The following EIPR1 variants were observed in gnomAD, a reference collection of about 807,000 sequenced individuals.
EIPR1 encodes EARP complex and GARP complex interacting protein 1, also known as EARP and GARP complex-interacting protein 1.
In EIPR1, 25 loss-of-function variants were observed where a neutral mutation model predicts 48.1. That is an observed-to-expected ratio of 0.52 (90% CI 0.38 to 0.73). EIPR1 has a LOEUF of 0.73. Among genes scored for constraint, EIPR1 ranks in the 30% least tolerant of loss-of-function variants. The probability of loss-of-function intolerance (pLI) is 0.00; values close to 1 mark genes in which losing one functional copy is unlikely to be tolerated. For missense variants in EIPR1, 415 were observed against 506.2 expected, an observed-to-expected ratio of 0.82 and a Z score of 1.73; for synonymous variants, 204 against 201.9, an observed-to-expected ratio of 1.01 and a Z score of -0.09.
At chr2:3,268,457 C>T (rs1248631681) in intron 3 of EIPR1, among the ~76,000 whole-genome samples, 1 of 152,230 alleles carries the variant, frequency 6.6e-6, no homozygotes, top group Non-Finnish European at 1.5e-5. Flanking sequence ...CCGAGGTCTG[C>T]GTCCCTCCAA....
intron 3 of EIPR1, among the ~76,000 whole-genome samples, chr2:3,297,126 C>T (rs985828032): frequency 1.3e-5 from 2 of 152,196 alleles, no homozygotes; most frequent in African/African-American, 4.8e-5. Context: ...GTGGCTCCAG[C>T]ATTTGGGACA....
chr2:3,232,781 CT>C (rs1181280763), intron 4 of EIPR1, among the ~76,000 whole-genome samples: 1 of 152,202 alleles, frequency 6.6e-6, no homozygotes, highest in Non-Finnish European at 1.5e-5. Context: ...GGATGGTTAT[CT>C]ACTCCGTCTC....
intron 4 of EIPR1, among the ~76,000 whole-genome samples, chr2:3,226,616 G>A (rs1191837586): frequency 6.6e-6 from 1 of 152,124 alleles, no homozygotes; most frequent in Non-Finnish European, 1.5e-5. Flanking sequence ...TAAATCTGAT[G>A]CACTCTCATT....
At chr2:3,291,428 C>A (rs1021546475) in intron 3 of EIPR1, among the ~76,000 whole-genome samples, 2 of 152,184 alleles carry the variant, frequency 1.3e-5, no homozygotes, top group African/African-American at 4.8e-5. Context: ...GGGTGCTGAA[C>A]ACTTAGAACT....
rs555046488 is a variant in EIPR1 at position 3,230,906 on chromosome 2, G to A, written c.417-16658C>T. Among the ~76,000 whole-genome samples, 105 of 152,162 alleles carry A rather than the reference G, an allele frequency of 6.9e-4. 1 individual carries two copies. The highest frequency in any genetic ancestry group is 3.4e-3 in the Middle Eastern group (1 of 294). ...ATAAATGCCATCAGAACTTTGATGGGGATTGCATTGAATCTGTAGATGATT... is the reference window on the plus strand; with the variant it reads ...ATAAATGCCATCAGAACTTTGATGGAGATTGCATTGAATCTGTAGATGATT... On this transcript the variant is annotated intron_variant, in intron 4 of 8. Transcript: ENST00000382125.
intron 4 of EIPR1, among the ~76,000 whole-genome samples, chr2:3,233,239 G>A (rs994158995): frequency 1.4e-4 from 22 of 151,852 alleles, no homozygotes; most frequent in African/African-American, 5.1e-4. Flanking sequence ...TATATCCTGG[G>A]TAACTTTCCA....
intron 4 of EIPR1, among the ~76,000 whole-genome samples, chr2:3,247,040 AGAGGGAGG>A (rs1340854784): frequency 4.5e-3 from 21 of 4,704 alleles, no homozygotes; most frequent in South Asian, 0.017. Context: ...AGGGAGGGAG[AGAGGGAGG>A]GAGAGAGGGA....
In EIPR1 at chr2:3,343,155, C is replaced by T. The variant is rs141987983; in HGVS notation, c.127-5006G>A. ...TACAGGAGCCCCTGGTCCTGGCATG[C>T]GAGCTCTGCCGCCCCGCCACCTGCC... On this transcript the variant is annotated intron_variant, in intron 2 of 8. Transcript: ENST00000382125. Among the ~76,000 whole-genome samples, 1,096 of 152,294 alleles carry T rather than the reference C, an allele frequency of 7.2e-3. 14 individuals carry two copies. The highest frequency in any genetic ancestry group is 0.025 in the African/African-American group (1,024 of 41,538).
chr2:3,351,965 A>T (rs1233010258), intron 2 of EIPR1, among the ~76,000 whole-genome samples: 1 of 152,234 alleles, frequency 6.6e-6, no homozygotes, highest in Non-Finnish European at 1.5e-5. Context: ...AACGTGAGTC[A>T]TCCCTTTGAT....
intron 5 of EIPR1, among the ~76,000 whole-genome samples, chr2:3,199,216 C>T (rs543750811): frequency 4.6e-5 from 7 of 152,238 alleles, no homozygotes; most frequent in South Asian, 2.1e-4. Flanking sequence ...CCAGACTTTA[C>T]GATTGTCCCT....
intron 3 of EIPR1, among the ~76,000 whole-genome samples, chr2:3,270,086 G>A (rs1443450974): frequency 2.0e-5 from 3 of 152,238 alleles, no homozygotes. Context: ...GTCCAGATGG[G>A]CAGATGGGCA....
At chr2:3,291,292 G>A (rs1017784820) in intron 3 of EIPR1, among the ~76,000 whole-genome samples, 20 of 152,132 alleles carry the variant, frequency 1.3e-4, no homozygotes, top group African/African-American at 4.8e-4. Context: ...AAGAGTACAT[G>A]GTTCTGCCGT....
intron 3 of EIPR1, among the ~76,000 whole-genome samples, chr2:3,302,340 A>G (rs1572415922): frequency 6.6e-6 from 1 of 152,028 alleles, no homozygotes; most frequent in Non-Finnish European, 1.5e-5. Context: ...AAAAAATTTA[A>G]ATGTTAACAA....
At chr2:3,318,636 C>T (rs1467647034) in intron 3 of EIPR1, among the ~76,000 whole-genome samples, 1 of 152,194 alleles carries the variant, frequency 6.6e-6, no homozygotes, top group African/African-American at 2.4e-5. Context: ...CACAGGTGCT[C>T]CCTACTGTCT....
At chr2:3,278,005 C>A (rs1667908859) in intron 3 of EIPR1, among the ~76,000 whole-genome samples, 1 of 152,212 alleles carries the variant, frequency 6.6e-6, no homozygotes, top group Non-Finnish European at 1.5e-5. Context: ...GGCCCCAGCC[C>A]ACCCTGTGCT....
intron 4 of EIPR1, among the ~76,000 whole-genome samples, chr2:3,243,043 C>T (rs181012420): frequency 5.3e-5 from 8 of 152,282 alleles, no homozygotes; most frequent in South Asian, 4.1e-4. Flanking sequence ...TTCCTGGGAA[C>T]GCTTTCTGAC....
At chr2:3,227,660 G>A (rs952274792) in intron 4 of EIPR1, among the ~76,000 whole-genome samples, 3 of 152,196 alleles carry the variant, frequency 2.0e-5, no homozygotes, top group African/African-American at 4.8e-5. Context: ...AGACCTTCAT[G>A]GAAGCTGCTC....
intron 4 of EIPR1, among the ~76,000 whole-genome samples, chr2:3,243,716 A>G (rs1428722216): frequency 6.6e-6 from 1 of 152,098 alleles, no homozygotes; most frequent in East Asian, 1.9e-4. Flanking sequence ...ACCATTTATC[A>G]GTGTGTAGGC....
At chr2:3,362,082 C>T (rs796741938) in intron 1 of EIPR1, among the ~76,000 whole-genome samples, 15 of 152,350 alleles carry the variant, frequency 9.8e-5, no homozygotes, top group African/African-American at 2.6e-4. Context: ...GAGCCAGACC[C>T]GCACTAAGCG....
Sources: allele counts gnomAD v4.1 joint callset (sites outside exome capture counted in the v4.1 genomes callset), GRCh38; gene constraint gnomAD v4.1.1; transcripts MANE v1.5; gene names NCBI Gene and HGNC (gene_info 2026-07-23, HGNC 2026-07-21).